MAPK10: variants seen among roughly 807,000 people sequenced by gnomAD.
MAPK10 encodes JNK3 alpha protein kinase.
MAPK10 carries 25 observed loss-of-function variants against 59.3 expected under a neutral mutation model. The ratio of observed to expected loss-of-function variants is 0.42; its 90% confidence interval spans 0.31 to 0.59. The LOEUF (loss-of-function observed/expected upper bound fraction) is 0.59. Ranked by LOEUF, MAPK10 falls within the 20% of genes least tolerant of loss-of-function variation. MAPK10 has a pLI of 0.15. For missense variants in MAPK10, 351 were observed against 568.9 expected, an observed-to-expected ratio of 0.62 and a Z score of 3.90; for synonymous variants, 190 against 200.5, an observed-to-expected ratio of 0.95 and a Z score of 0.44.
At chr4:86,229,746 T>C (rs1487528272) in intron 2 of MAPK10, among the ~76,000 whole-genome samples, 1 of 152,130 alleles carries the variant, frequency 6.6e-6, no homozygotes, top group African/African-American at 2.4e-5. Context: ...TATGTATTTC[T>C]AAATTCAAAG....
intron 1 of MAPK10, among the ~76,000 whole-genome samples, chr4:86,388,833 G>C (rs985245432): frequency 3.3e-5 from 5 of 152,012 alleles, no homozygotes; most frequent in African/African-American, 1.2e-4. Flanking sequence ...CAACACAATA[G>C]GTCATCTCTT....
intron 11 of MAPK10, 96 bp from the exon 12 acceptor site, chr4:86,031,527 G>C: frequency 1.2e-6 from 1 of 851,422 alleles, no homozygotes; most frequent in Admixed American, 2.0e-5. Context: ...ATTTATTTCG[G>C]TGATTTCAAC....
rs897349238 is a variant in MAPK10 at position 86,552,439 on chromosome 4, A to C, written c.-263+41471T>G. Among the ~76,000 whole-genome samples, 135 of 84,112 alleles carry C rather than the reference A, an allele frequency of 1.6e-3. 1 individual carries two copies. The highest frequency in any genetic ancestry group is 6.0e-3 in the African/African-American group (127 of 21,222). 55.2% of individuals were successfully genotyped at this position (84,112 alleles called of 152,430 possible). A position where few individuals can be genotyped will look rare whatever the true frequency, so the allele number is the denominator to read the frequency against. ...CTGTCTCAAAGAGAGGAAGGAAGGA[A>C]GGAAGGAAGGAAGGAAGGAAGGAGG... On this transcript the variant is annotated intron_variant, in intron 1 of 4. Coordinates refer to the MAPK10 transcript ENST00000502302.
chr4:86,333,804 C>G (rs984968316), intron 2 of MAPK10, among the ~76,000 whole-genome samples: 3 of 152,176 alleles, frequency 2.0e-5, no homozygotes, highest in Non-Finnish European at 4.4e-5. Context: ...GCACCAACCT[C>G]TCAAGAAGAT....
chr4:86,057,931 C>A (rs925930858), intron 11 of MAPK10, among the ~76,000 whole-genome samples: 2 of 149,672 alleles, frequency 1.3e-5, no homozygotes, highest in African/African-American at 5.0e-5. Context: ...TCCTTTCACT[C>A]CCCTTACGTA....
intron 2 of MAPK10, among the ~76,000 whole-genome samples, chr4:86,225,502 C>T (rs1487457535): frequency 3.3e-5 from 5 of 151,952 alleles, no homozygotes; most frequent in African/African-American, 1.2e-4. Context: ...ACCTCATGGG[C>T]CATTTTCTTT....
chr4:86,390,558 T>C (rs1427867255), intron 1 of MAPK10, among the ~76,000 whole-genome samples: 1 of 152,220 alleles, frequency 6.6e-6, no homozygotes, highest in Non-Finnish European at 1.5e-5. Flanking sequence ...GAGACATGTG[T>C]GCCTTCCTCA....
chr4:86,503,750 A>T (rs1032421001), intron 1 of MAPK10, among the ~76,000 whole-genome samples: 5 of 152,228 alleles, frequency 3.3e-5, no homozygotes, highest in South Asian at 2.1e-4. Flanking sequence ...ATGGCTTTTT[A>T]AAAAATCTCA....
At chr4:86,272,318 AC>A (rs1182864515) in intron 2 of MAPK10, among the ~76,000 whole-genome samples, 1 of 151,908 alleles carries the variant, frequency 6.6e-6, no homozygotes, top group Non-Finnish European at 1.5e-5. Context: ...AATGAGCAGA[AC>A]CCTTAAATGT....
At chr4:86,500,212 A>G (rs1233842102) in intron 1 of MAPK10, among the ~76,000 whole-genome samples, 1 of 152,214 alleles carries the variant, frequency 6.6e-6, no homozygotes, top group African/African-American at 2.4e-5. Context: ...TGGTGATTTG[A>G]TCCTCAAAAC....
At chr4:86,516,365 G>C (rs573321258) in intron 1 of MAPK10, among the ~76,000 whole-genome samples, 14 of 152,098 alleles carry the variant, frequency 9.2e-5, no homozygotes, top group African/African-American at 3.4e-4. Context: ...GGATATGTGG[G>C]CTCTTTTTTG....
intron 2 of MAPK10, among the ~76,000 whole-genome samples, chr4:86,198,806 A>C (rs2081983749): frequency 6.6e-6 from 1 of 151,834 alleles, no homozygotes; most frequent in Non-Finnish European, 1.5e-5. Context: ...TGAAATAAAA[A>C]TCAAAATACA....
rs145740605 is a variant in MAPK10 at position 86,501,227 on chromosome 4, A to C, written c.-263+92683T>G. ...AAAACAATAAATTGAAAACCTTGAA[A>C]ATTAGTTCAGGTAATAGTTCTTGAG... On this transcript the variant is annotated intron_variant, in intron 1 of 4. Coordinates refer to the MAPK10 transcript ENST00000502302. Among the ~76,000 whole-genome samples the C allele has an allele frequency of 1.4e-3, 215 of 152,086 alleles. 4 individuals are homozygous for C. Among genetic ancestry groups the C allele is most frequent in the African/African-American group, 4.9e-3 (205 of 41,538 alleles).
intron 9 of MAPK10, among the ~76,000 whole-genome samples, chr4:86,075,280 T>C (rs1013369330): frequency 3.3e-5 from 5 of 152,096 alleles, no homozygotes; most frequent in Non-Finnish European, 7.4e-5. Context: ...TTGGTTATTC[T>C]AGTTATACAT....
chr4:86,031,478 T>C, intron 11 of MAPK10, 47 bp from the exon 12 acceptor site: 1 of 1,330,898 alleles, frequency 7.5e-7, no homozygotes, highest in Admixed American at 1.7e-5. Flanking sequence ...AATGTAAACA[T>C]AACTAAACTC....
intron 2 of MAPK10, among the ~76,000 whole-genome samples, chr4:86,224,227 G>C (rs1423956347): frequency 6.6e-6 from 1 of 152,156 alleles, no homozygotes; most frequent in Non-Finnish European, 1.5e-5. Context: ...GAATACAGAG[G>C]AGTTGTCAGT....
chr4:86,521,883 A>G lies in MAPK10; in HGVS notation c.-263+72027T>C, dbSNP rs1223652435. Reference sequence around the variant, plus strand: ...ATTTGTGCTCAGTTGAAATTATTACAAAGTTCAGCTGGGAGCTTCCTTCAC... The same window carrying G: ...ATTTGTGCTCAGTTGAAATTATTACGAAGTTCAGCTGGGAGCTTCCTTCAC... On this transcript the variant is annotated intron_variant, in intron 1 of 4. Coordinates refer to the MAPK10 transcript ENST00000502302. Among the ~76,000 whole-genome samples, 6 of 152,266 alleles carry G rather than the reference A, an allele frequency of 3.9e-5. No homozygotes were observed. The East Asian group carries it at 1.2e-3, about 29-fold the overall frequency.
At chr4:86,503,447 C>T (rs1474695304) in intron 1 of MAPK10, among the ~76,000 whole-genome samples, 1 of 152,086 alleles carries the variant, frequency 6.6e-6, no homozygotes, top group African/African-American at 2.4e-5. Flanking sequence ...GATAAATTTT[C>T]ATAAAGTACC....
chr4:86,232,447 C>G lies in MAPK10; in HGVS notation c.-6-38040G>C, dbSNP rs543492514. 4.6e-5 allele frequency among the ~76,000 whole-genome samples: 7 copies of G among 151,462 alleles called. No individual in the cohort carries two copies. The South Asian group carries it at 1.5e-3, about 32-fold the overall frequency. ...AGAGTGCAGTGGCACCATCTCGGCT[C>G]ACTGCAAGCTCCGCCTCCTGGGTTC... On this transcript the variant is annotated intron_variant, in intron 2 of 13. Coordinates refer to ENST00000641462, the MANE Select transcript of MAPK10 (RefSeq NM_138982.4).
Sources: allele counts gnomAD v4.1 joint callset (sites outside exome capture counted in the v4.1 genomes callset), GRCh38; gene constraint gnomAD v4.1.1; transcripts MANE v1.5; gene names NCBI Gene and HGNC (gene_info 2026-07-23, HGNC 2026-07-21).